Variants in HERC3 observed in about 807,000 individuals in gnomAD.
The protein encoded by HERC3 is HECT and RLD domain containing E3 ubiquitin protein ligase 3, also known as probable E3 ubiquitin-protein ligase HERC3.
HERC3 carries 58 observed loss-of-function variants against 129.9 expected under a neutral mutation model. The ratio of observed to expected loss-of-function variants is 0.45; its 90% confidence interval spans 0.36 to 0.56. HERC3 has a LOEUF of 0.56. Ranked by LOEUF, HERC3 falls within the 20% of genes least tolerant of loss-of-function variation. The pLI, the probability that HERC3 is intolerant of heterozygous loss-of-function variation, is 0.00. For missense variants in HERC3, 835 were observed against 1,244.2 expected (o/e 0.67, Z 4.95); for synonymous variants, 430 against 451.0 (o/e 0.95, Z 0.59).
At chr4:88,558,787 C>T in the HERC3 span, among the ~76,000 whole-genome samples, 58 of 151,138 alleles carry the variant, frequency 3.8e-4, no homozygotes, top group Admixed American at 3.8e-3. Context: ...CATGGTGAAA[C>T]CCCGTCTCTA....
the HERC3 span, among the ~76,000 whole-genome samples, chr4:88,526,274 T>C: frequency 6.6e-6 from 1 of 152,208 alleles, no homozygotes; most frequent in East Asian, 1.9e-4. Context: ...TCTTGGATTA[T>C]CACACACATG....
intron 3 of HERC3, among the ~76,000 whole-genome samples, chr4:88,617,627 T>G (rs1725056690): frequency 2.0e-5 from 3 of 152,118 alleles, no homozygotes; most frequent in Admixed American, 2.0e-4. Flanking sequence ...AGCCCAGCAC[T>G]TTGGGAGGCT....
At chr4:88,525,424 A>G in the HERC3 span, among the ~76,000 whole-genome samples, 1 of 152,174 alleles carries the variant, frequency 6.6e-6, no homozygotes. Context: ...TTAAGGAGAA[A>G]CAGCGCTTGA....
intron 3 of HERC3, among the ~76,000 whole-genome samples, chr4:88,646,725 C>T (rs1235235225): frequency 1.3e-5 from 2 of 152,142 alleles, no homozygotes; most frequent in African/African-American, 2.4e-5. Flanking sequence ...CATTCATCAG[C>T]ACACTGGGCT....
At chr4:88,560,117 G>A in the HERC3 span, among the ~76,000 whole-genome samples, 9,180 of 151,952 alleles carry the variant, frequency 0.06, 414 homozygotes, top group Middle Eastern at 0.14. Flanking sequence ...ACACCACCAA[G>A]CCTGGCTAAT....
the HERC3 span, among the ~76,000 whole-genome samples, chr4:88,541,857 A>T: frequency 1.3e-5 from 2 of 152,176 alleles, no homozygotes; most frequent in Admixed American, 1.3e-4. Flanking sequence ...CTGGGTAAAT[A>T]ACAAAATGAA....
At chr4:88,611,496 T>C (rs10034402) in intron 3 of HERC3, among the ~76,000 whole-genome samples, 7,075 of 152,192 alleles carry the variant, frequency 0.046, 212 homozygotes, top group Middle Eastern at 0.099. Flanking sequence ...TAAAAGAGGA[T>C]TTTTCTGGGG....
intron 11 of HERC3, among the ~76,000 whole-genome samples, chr4:88,663,013 AC>A (rs1216726338): frequency 5.3e-5 from 8 of 151,476 alleles, no homozygotes; most frequent in Non-Finnish European, 1.0e-4. Context: ...AAAAAAAAAA[AC>A]AACAGTAAGT....
the HERC3 span, among the ~76,000 whole-genome samples, chr4:88,559,255 C>T: frequency 6.6e-6 from 1 of 152,114 alleles, no homozygotes; most frequent in South Asian, 2.1e-4. Context: ...TCTATTATTT[C>T]ACATAGTTAC....
intron 18 of HERC3, among the ~76,000 whole-genome samples, chr4:88,677,638 G>A (rs1269209077): frequency 6.6e-6 from 1 of 152,124 alleles, no homozygotes; most frequent in Non-Finnish European, 1.5e-5. Flanking sequence ...CATTTTGAAA[G>A]TTGTGGTTTT....
intron 25 of HERC3, among the ~76,000 whole-genome samples, chr4:88,705,340 G>A (rs1275376780): frequency 6.6e-6 from 1 of 152,078 alleles, no homozygotes; most frequent in African/African-American, 2.4e-5. Flanking sequence ...GCTTTATTGG[G>A]CTATAATTTA....
At chr4:88,568,561 C>T in the HERC3 span, among the ~76,000 whole-genome samples, 1 of 152,078 alleles carries the variant, frequency 6.6e-6, no homozygotes, top group Non-Finnish European at 1.5e-5. Context: ...GCAGCCACCA[C>T]AGTTAGAAAT....
chr4:88,588,210 G>A (rs2149157377), upstream of HERC3, among the ~76,000 whole-genome samples: 1 of 152,346 alleles, frequency 6.6e-6, no homozygotes, highest in Middle Eastern at 3.4e-3. Context: ...CATAAGGGCT[G>A]TAAGCTCTTT....
intron 1 of HERC3, chr4:88,593,491 ATAAG>A (rs1721984685): frequency 6.6e-6 from 1 of 152,270 alleles, no homozygotes; most frequent in African/African-American, 2.4e-5. Context: ...GCTCCAGGGA[ATAAG>A]TATTTGAACT....
intron 23 of HERC3, chr4:88,696,858 G>A (rs1393044202): frequency 4.4e-6 from 1 of 227,078 alleles, no homozygotes; most frequent in African/African-American, 2.3e-5. Context: ...TGTAGCGTAT[G>A]CTGTGTGATG....
At chr4:88,649,272 G>A (rs1395467240) in intron 3 of HERC3, among the ~76,000 whole-genome samples, 3 of 152,174 alleles carry the variant, frequency 2.0e-5, no homozygotes, top group African/African-American at 7.2e-5. Context: ...ATTGAGGGAT[G>A]CACAAATGTC....
intron 12 of HERC3, among the ~76,000 whole-genome samples, chr4:88,666,729 C>T (rs1056027266): frequency 1.3e-5 from 2 of 151,968 alleles, no homozygotes; most frequent in Non-Finnish European, 2.9e-5. Flanking sequence ...CTCAAAAATG[C>T]TAAGATTTTA....
chr4:88,599,685 G>GGTTACCTGGTCACAGTATTC (rs1288958423), intron 2 of HERC3, among the ~76,000 whole-genome samples: 1 of 152,148 alleles, frequency 6.6e-6, no homozygotes, highest in Non-Finnish European at 1.5e-5. Context: ...GAGATGCTTT[G>GGTTACCTGGTCACAGTATTC]GTTACCTGGT....
the HERC3 span, among the ~76,000 whole-genome samples, chr4:88,577,251 C>A: frequency 6.6e-6 from 1 of 152,004 alleles, no homozygotes; most frequent in Non-Finnish European, 1.5e-5. Flanking sequence ...TACTTCTTAC[C>A]CAAGTTCCAA....
Sources: allele counts gnomAD v4.1 joint callset (sites outside exome capture counted in the v4.1 genomes callset), GRCh38; gene constraint gnomAD v4.1.1; transcripts MANE v1.5; gene names NCBI Gene and HGNC (gene_info 2026-07-23, HGNC 2026-07-21).